PRELID2: variants seen among roughly 807,000 people sequenced by gnomAD.
PRELID2 encodes PRELI domain-containing protein 2.
A neutral mutation model predicts 28.4 loss-of-function variants in PRELID2; 25 were observed. The ratio of observed to expected loss-of-function variants is 0.88; its 90% CI spans 0.64 to 1.23. The LOEUF (loss-of-function observed/expected upper bound fraction) is 1.23. Among genes scored for constraint, PRELID2 ranks in the 50% most tolerant of loss-of-function variants. The pLI, the probability that PRELID2 is intolerant of heterozygous loss-of-function variation, is 0.00. For synonymous variants in PRELID2, 76 were observed against 71.6 expected, an observed-to-expected ratio of 1.06 and a Z score of -0.31; for missense variants, 201 against 214.4, an observed-to-expected ratio of 0.94 and a Z score of 0.39.
rs868761104 is a variant in PRELID2 at position 145,741,359 on chromosome 5, T to A, written n.70+23572A>T. On this transcript the variant is annotated intron_variant and non_coding_transcript_variant, in intron 1 of 2. Transcript: ENST00000510259. ...ATAAATAAAATTTATTAATAAATAA[T>A]TTATTTATATATAAATTTTATTTAT... Among the ~76,000 whole-genome samples the A allele has an allele frequency of 6.4e-3, 734 of 114,910 alleles. 9 individuals are homozygous for A. The highest frequency in any genetic ancestry group is 0.025 in the African/African-American group (686 of 27,188). 75.4% of individuals were successfully genotyped at this position (114,910 alleles called of 152,430 possible).
intron 1 of PRELID2, among the ~76,000 whole-genome samples, chr5:145,748,343 G>C (rs746510194): frequency 1.3e-5 from 2 of 152,118 alleles, no homozygotes; most frequent in Non-Finnish European, 2.9e-5. Context: ...AATAGACAGA[G>C]AGCCAAATCA....
chr5:145,750,038 A>C (rs938958462), intron 1 of PRELID2, among the ~76,000 whole-genome samples: 7 of 152,072 alleles, frequency 4.6e-5, no homozygotes, highest in Admixed American at 4.6e-4. Context: ...GCACATGTAT[A>C]CATATGTAAC....
At chr5:145,310,265 T>C in the PRELID2 span, among the ~76,000 whole-genome samples, 1 of 152,354 alleles carries the variant, frequency 6.6e-6, no homozygotes, top group African/African-American at 2.4e-5. Flanking sequence ...ATTAGCTTCC[T>C]ATGTAGTTTG....
chr5:145,305,414 G>T, the PRELID2 span, among the ~76,000 whole-genome samples: 1 of 152,114 alleles, frequency 6.6e-6, no homozygotes, highest in African/African-American at 2.4e-5. Flanking sequence ...CCACATGACT[G>T]CCCTTCCTAC....
chr5:145,401,700 A>G, the PRELID2 span, among the ~76,000 whole-genome samples: 2 of 152,170 alleles, frequency 1.3e-5, no homozygotes, highest in Admixed American at 6.5e-5. Context: ...GATTGCTCAG[A>G]CTATGGACTT....
chr5:145,779,739 TAAG>T (rs1758665094), intron 5 of PRELID2, among the ~76,000 whole-genome samples: 2 of 152,122 alleles, frequency 1.3e-5, no homozygotes, highest in Non-Finnish European at 2.9e-5. Flanking sequence ...CTCATACTCA[TAAG>T]ATATATAGTA....
At chr5:145,703,145 C>A (rs1425566267) in intron 1 of PRELID2, among the ~76,000 whole-genome samples, 1 of 152,144 alleles carries the variant, frequency 6.6e-6, no homozygotes, top group Non-Finnish European at 1.5e-5. Flanking sequence ...AGAAGCCAGA[C>A]AAATTACCAA....
chr5:145,738,751 G>T (rs974670105), intron 1 of PRELID2, among the ~76,000 whole-genome samples: 2 of 152,058 alleles, frequency 1.3e-5, no homozygotes, highest in African/African-American at 4.8e-5. Flanking sequence ...AAAAGGGTGA[G>T]GCTCTTTGAG....
intron 1 of PRELID2, among the ~76,000 whole-genome samples, chr5:145,591,746 C>T (rs1175222245): frequency 1.3e-5 from 2 of 152,214 alleles, no homozygotes; most frequent in Non-Finnish European, 2.9e-5. Flanking sequence ...CCATTCTTTA[C>T]CACAGGAATT....
At chr5:145,286,692 A>G in the PRELID2 span, among the ~76,000 whole-genome samples, 1 of 146,034 alleles carries the variant, frequency 6.8e-6, no homozygotes. Context: ...CTGCCAACAT[A>G]GAAGTTTTTG....
At chr5:145,358,150 C>T in the PRELID2 span, among the ~76,000 whole-genome samples, 1 of 152,104 alleles carries the variant, frequency 6.6e-6, no homozygotes, top group Non-Finnish European at 1.5e-5. Context: ...CCCTTATCTG[C>T]TGTCTCAGTG....
At chr5:145,562,206 G>A (rs776276648) in intron 1 of PRELID2, among the ~76,000 whole-genome samples, 3 of 152,282 alleles carry the variant, frequency 2.0e-5, no homozygotes, top group African/African-American at 4.8e-5. Flanking sequence ...AATACTTCAC[G>A]TAAAAGCAAG....
At chr5:145,511,072 CA>C (rs1434747253) in intron 1 of PRELID2, among the ~76,000 whole-genome samples, 1 of 152,204 alleles carries the variant, frequency 6.6e-6, no homozygotes, top group African/African-American at 2.4e-5. Flanking sequence ...TGATGTCAGT[CA>C]TGTCGCCTCT....
At chr5:145,481,351 A>G (rs542268191) in intron 1 of PRELID2, among the ~76,000 whole-genome samples, 1 of 152,082 alleles carries the variant, frequency 6.6e-6, no homozygotes, top group East Asian at 1.9e-4. Context: ...ACCTACTTTC[A>G]ATCCTCTTAG....
the PRELID2 span, among the ~76,000 whole-genome samples, chr5:145,426,917 G>A: frequency 3.3e-5 from 5 of 152,158 alleles, no homozygotes; most frequent in Non-Finnish European, 5.9e-5. Context: ...AGGATCCCAC[G>A]CATGGAGGCT....
At chr5:145,699,756 C>A (rs1376483086) in intron 1 of PRELID2, among the ~76,000 whole-genome samples, 1 of 152,212 alleles carries the variant, frequency 6.6e-6, no homozygotes, top group Non-Finnish European at 1.5e-5. Flanking sequence ...AGCTCTCCAG[C>A]AACCCACTTA....
chr5:145,631,233 A>C (rs17103540), intron 1 of PRELID2, among the ~76,000 whole-genome samples: 10,793 of 152,244 alleles, frequency 0.071, 582 homozygotes, highest in Admixed American at 0.18. Context: ...TCACACAACA[A>C]AGTCTCTTCT....
intron 5 of PRELID2, among the ~76,000 whole-genome samples, chr5:145,770,241 T>A (rs1386181143): frequency 6.6e-6 from 1 of 152,030 alleles, no homozygotes; most frequent in Non-Finnish European, 1.5e-5. Context: ...ATGAAAAAAA[T>A]TAACTATAGG....
At chr5:145,419,556 C>T in the PRELID2 span, among the ~76,000 whole-genome samples, 25,868 of 128,762 alleles carry the variant, frequency 0.2, 2,290 homozygotes, top group South Asian at 0.24. Flanking sequence ...TCATGTCCTT[C>T]GCCCACTTTT....
Sources: allele counts gnomAD v4.1 joint callset (sites outside exome capture counted in the v4.1 genomes callset), GRCh38; gene constraint gnomAD v4.1.1; transcripts MANE v1.5; gene names NCBI Gene and HGNC (gene_info 2026-07-23, HGNC 2026-07-21).